The following ATP4A variants were observed in gnomAD, a reference collection of about 807,000 sequenced individuals.
The protein encoded by ATP4A is ATPase H+/K+ transporting subunit alpha.
A neutral mutation model predicts 112.1 loss-of-function variants in ATP4A; 73 were observed. The ratio of observed to expected loss-of-function variants is 0.65; its 90% CI spans 0.54 to 0.79. ATP4A has a LOEUF of 0.79. ATP4A is among the 30% of genes least tolerant of loss of function. ATP4A has a pLI of 0.00. For synonymous variants in ATP4A, 588 were observed against 588.9 expected (o/e 1.00, Z 0.02); for missense variants, 1,081 against 1,425.9 (o/e 0.76, Z 3.90).
rs1032059452 is a variant in ATP4A at position 35,563,263 on chromosome 19, G to A, written c.162C>T (p.Asp54=). The A allele has an allele frequency of 6.2e-7, 1 of 1,614,026 alleles. No homozygotes were observed. Among genetic ancestry groups the A allele is most frequent in the Non-Finnish European group, 8.5e-7 (1 of 1,180,004 alleles). ...ENMKKEMEIN[D]HQLSVAELEQ... is the part of the protein sequence containing the mutation. ...CCAGCTCCGCCACTGACAGCTGGTG[G>A]TCGTTCTGTGTGGTGGGGTGGGGCA... Residue 54 remains aspartate (D), a synonymous_variant, in exon 3 of 22, where the codon GAC becomes GAT. Coordinates refer to ENST00000262623, the MANE Select transcript of ATP4A (RefSeq NM_000704.3).
At position 35,554,946 on chromosome 19, in the gene ATP4A, G is replaced by T. The variant is rs372209900; in HGVS notation, c.2457C>A (p.Leu819=). The T allele has an allele frequency of 3.7e-6, 6 of 1,614,080 alleles. No homozygotes were observed. In the African/African-American group the frequency reaches 8.0e-5, roughly 22 times the overall value. The change falls in exon 16 of 22, where the codon CTC becomes CTA. Residue 819 remains leucine, a synonymous_variant. Transcript: ENST00000262623. ...VPLPLGCITI[L]FIELCTDIFP... is the part of the protein sequence containing the mutation. Reference sequence around the variant, plus strand: ...CAATGTCAGTGCAGAGTTCGATGAAGAGGATGGTGATGCACCCGAGGGGCA... The same window carrying T: ...CAATGTCAGTGCAGAGTTCGATGAATAGGATGGTGATGCACCCGAGGGGCA...
intron 18 of ATP4A, among the ~76,000 whole-genome samples, chr19:35,552,208 G>C (rs2071606062): frequency 6.6e-6 from 1 of 152,242 alleles, no homozygotes; most frequent in African/African-American, 2.4e-5. Flanking sequence ...CACCATGCCT[G>C]GCAACACAAC....
chr19:35,557,986 G>A lies in ATP4A; in HGVS notation c.1501-139C>T. On this transcript the variant is annotated intron_variant, in intron 10 of 21. Coordinates refer to ENST00000262623, the MANE Select transcript of ATP4A (RefSeq NM_000704.3). The surrounding 1 kb of genome is among the most constrained non-coding windows in gnomAD (Gnocchi z 4.4). ...CTGAGAGCTGCGGGGAAGGGTGAAG[G>A]TGGAAGATGGAGGCCTTGTGTGGAG... is the stretch of plus-strand genomic sequence containing the variant. The A allele has an allele frequency of 2.7e-6, 2 of 738,592 alleles. No individual in the cohort carries two copies. The highest frequency in any genetic ancestry group is 4.3e-6 in the Non-Finnish European group (2 of 467,864). 45.8% of individuals were successfully genotyped at this position (738,592 alleles called of 1,614,324 possible). A position where few individuals can be genotyped will look rare whatever the true frequency, so the allele number is the denominator to read the frequency against.
intron 4 of ATP4A, 146 bp from the exon 5 acceptor site, chr19:35,561,078 T>A: frequency 1.5e-6 from 1 of 653,656 alleles, no homozygotes; most frequent in Non-Finnish European, 2.7e-6. Context: ...CCATTCCCTG[T>A]AGCCTTTAGC....
Position 35,560,167 on chromosome 19 carries a change from G to A in ATP4A, c.788-94C>T. On this transcript the variant is annotated intron_variant, in intron 6 of 21. Transcript: ENST00000262623. The surrounding 1 kb of genome is among the most constrained non-coding windows in gnomAD (Gnocchi z 5.1). ...GAAGGACAGCCAGTCACTGCCAGTG[G>A]AGGATGTGACCTGGGAGAGGGTAGT... 6.4e-7 allele frequency: 1 copy of A among 1,551,350 alleles called. No individual in the cohort carries two copies. Among genetic ancestry groups the A allele is most frequent in the Admixed American group, 1.7e-5 (1 of 57,606 alleles).
In ATP4A at chr19:35,550,088, A is replaced by G. The variant is rs2071592508; in HGVS notation, c.*527T>C. On this transcript the variant is annotated 3_prime_UTR_variant, in exon 22 of 22. Transcript: ENST00000262623. This position sits in a 1 kb window ranked among gnomAD's most constrained non-coding sequence, Gnocchi z 4.1. ...GGACCTACTATGTGCCAGGCTGTGTACTAGGCACTGGAGGTGCAGCCCTGG... is the reference window on the plus strand; with the variant it reads ...GGACCTACTATGTGCCAGGCTGTGTGCTAGGCACTGGAGGTGCAGCCCTGG... 5.8e-6 allele frequency: 1 copy of G among 173,036 alleles called. No homozygotes were observed. Among genetic ancestry groups the G allele is most frequent in the African/African-American group, 2.4e-5 (1 of 41,810 alleles). The allele number at this position is 173,036 out of a possible 1,614,324, so 10.7% of individuals were successfully genotyped here.
At position 35,560,624 on chromosome 19, in the gene ATP4A, C is replaced by T. The variant is rs1381491151; in HGVS notation, c.535-9G>A. On this transcript the variant is annotated splice_polypyrimidine_tract_variant and intron_variant, in intron 5 of 21. Coordinates refer to ENST00000262623, the MANE Select transcript of ATP4A (RefSeq NM_000704.3). This position sits in a 1 kb window ranked among gnomAD's most constrained non-coding sequence, Gnocchi z 5.1. ...CGGATGACAGTGGCTTGCTGCGGGG[C>T]AGGGGCACCAAAGTTGAGGTGGACG... The T allele has an allele frequency of 1.3e-6, 2 of 1,578,058 alleles. No individual in the cohort carries two copies. Among genetic ancestry groups the T allele is most frequent in the Admixed American group, 3.4e-5 (2 of 58,296 alleles).
At chr19:35,552,192 A>G (rs1464979679) in intron 18 of ATP4A, among the ~76,000 whole-genome samples, 1 of 152,180 alleles carries the variant, frequency 6.6e-6, no homozygotes, top group Non-Finnish European at 1.5e-5. Context: ...AATTACAAGC[A>G]TGTGCCACCA....
In ATP4A at chr19:35,560,243, G is replaced by A; in HGVS notation, c.787+120C>T. On this transcript the variant is annotated intron_variant, in intron 6 of 21. Coordinates refer to ENST00000262623, the MANE Select transcript of ATP4A (RefSeq NM_000704.3). The surrounding 1 kb of genome is among the most constrained non-coding windows in gnomAD (Gnocchi z 5.1). ...TGCCCTGGGGAGGTGGCAGTCACGG[G>A]GAGGTGGCAGTCATGCAGGAGAGAG... The A allele has an allele frequency of 8.4e-6, 13 of 1,541,880 alleles. No individual in the cohort carries two copies. The highest frequency in any genetic ancestry group is 1.8e-5 in the Admixed American group (1 of 55,902).
At position 35,554,984 on chromosome 19, in the gene ATP4A, CG is replaced by C; in HGVS notation, c.2418del (p.Val807SerfsTer161). 1 of 1,614,106 alleles carries C rather than the reference CG, an allele frequency of 6.2e-7. No homozygotes were observed. Among genetic ancestry groups the C allele is most frequent in the Non-Finnish European group, 8.5e-7 (1 of 1,180,006 alleles). On this transcript the variant is annotated frameshift_variant, in exon 16 of 22. Coordinates refer to ENST00000262623, the MANE Select transcript of ATP4A (RefSeq NM_000704.3). LOFTEE classifies it high-confidence loss of function. Reference protein sequence around the residue: ...PELTPYLIYITVSVPLPLGCI... With the variant: ...PELTPYLIYIXVSVPLPLGCI... ...CACCCGAGGGGCAGGGGCACGCTGA[CG>C]GTGATGTAGATGAGGTAGGGTGTCA...
intron 3 of ATP4A, 37 bp from the exon 4 acceptor site, chr19:35,562,675 C>T: frequency 6.5e-7 from 1 of 1,539,820 alleles, no homozygotes; most frequent in Non-Finnish European, 8.7e-7. Flanking sequence ...GTCCTGGGGG[C>T]TTTCCTCCAC....
Position 35,558,827 on chromosome 19 carries a change from GC to G in ATP4A, c.1256-142del, listed in dbSNP as rs1260666955. 2.4e-6 allele frequency: 3 copies of G among 1,252,124 alleles called. No homozygotes were observed. Among genetic ancestry groups the G allele is most frequent in the Admixed American group, 4.9e-5 (2 of 40,706 alleles). The allele number at this position is 1,252,124 out of a possible 1,614,324, so 77.6% of individuals were successfully genotyped here. On this transcript the variant is annotated intron_variant, in intron 8 of 21. Coordinates refer to ENST00000262623, the MANE Select transcript of ATP4A (RefSeq NM_000704.3). The surrounding 1 kb of genome is among the most constrained non-coding windows in gnomAD (Gnocchi z 5.1). Reference sequence around the variant, plus strand: ...GTTCCACCCAACCCTGAGGGACCCAGCCCCCGGATGACCCTTCCCTCTAGAC... The same window carrying G: ...GTTCCACCCAACCCTGAGGGACCCAGCCCCGGATGACCCTTCCCTCTAGAC...
Position 35,557,075 on chromosome 19 carries a change from G to C in ATP4A, c.1707C>G (p.Leu569=). 1 of 1,614,200 alleles carries C rather than the reference G, an allele frequency of 6.2e-7. No homozygotes were observed. The highest frequency in any genetic ancestry group is 8.5e-7 in the Non-Finnish European group (1 of 1,180,038). The change falls in exon 12 of 22, where the codon CTC becomes CTG. Residue 569 remains leucine, a synonymous_variant. Transcript: ENST00000262623. This position sits in a 1 kb window ranked among gnomAD's most constrained non-coding sequence, Gnocchi z 4.4. ...LGERVLGFCQ[L]YLNEKDYPPG... is the part of the protein sequence containing the mutation. ...GCGGGTAGTCCTTCTCATTCAGGTA[G>C]AGCTGGCAGAAGCCTGACCGGAAAC...
intron 16 of ATP4A, 142 bp downstream of exon 16, chr19:35,554,780 G>T (rs2146307676): frequency 1.6e-6 from 2 of 1,224,426 alleles, no homozygotes; most frequent in Non-Finnish European, 2.3e-6. Context: ...CATGTGTCCT[G>T]CACTGGCTGT....
Position 35,560,558 on chromosome 19 carries a change from C to T in ATP4A, c.592G>A (p.Val198Met), listed in dbSNP as rs1599574917. Residue 198 changes from valine (V) to methionine (M), a missense_variant, in exon 6 of 22, where the codon GTG (valine) becomes ATG (methionine). This residue lies in a region of ATP4A where 850 missense variants were observed against 1,068.2 expected (regional missense o/e 0.80). Coordinates refer to ENST00000262623, the MANE Select transcript of ATP4A (RefSeq NM_000704.3). This position sits in a 1 kb window ranked among gnomAD's most constrained non-coding sequence, Gnocchi z 5.1. ...KFQINADQLV[V>M]GDLVEMKGGD... The stretch of plus-strand genomic sequence containing the variant: ...CCTTTCATCTCCACCAGGTCGCCCA[C>T]CACCAGTTGGTCAGCGTTGATCTGG... 1.9e-6 allele frequency: 3 copies of T among 1,613,610 alleles called. No homozygotes were observed. Among genetic ancestry groups the T allele is most frequent in the Non-Finnish European group, 2.5e-6 (3 of 1,179,994 alleles).
chr19:35,560,846 G>C lies in ATP4A; in HGVS notation c.507C>G (p.Ile169Met). The stretch of plus-strand genomic sequence containing the variant: ...GTGGCACAAGGTTCTTAAAGCTGGC[G>C]ATGATGTTGGTGCTCTTGAATTCCT... ...YYQEFKSTNIIASFKNLVPQQ... is the reference protein window; with the variant it reads ...YYQEFKSTNIMASFKNLVPQQ... Residue 169 changes from isoleucine to methionine, a missense_variant, in exon 5 of 22, where the codon ATC becomes ATG. By Grantham distance (10) the Ile-to-Met change is conservative (BLOSUM62 1). Around this residue, in one of 3 missense-constraint regions of ATP4A, gnomAD observed 850 missense variants for 1,068.2 expected, o/e 0.80. Coordinates refer to ENST00000262623, the MANE Select transcript of ATP4A (RefSeq NM_000704.3). The surrounding 1 kb of genome is among the most constrained non-coding windows in gnomAD (Gnocchi z 5.1). 6.2e-7 allele frequency: 1 copy of C among 1,614,048 alleles called. No homozygotes were observed. Among genetic ancestry groups the C allele is most frequent in the African/African-American group, 1.3e-5 (1 of 74,998 alleles).
At position 35,551,851 on chromosome 19, in the gene ATP4A, G is replaced by GA. The variant is rs935037540; in HGVS notation, c.2752-272dup. Among the ~76,000 whole-genome samples the GA allele has an allele frequency of 6.6e-6, 1 of 152,126 alleles. No homozygotes were observed. Among genetic ancestry groups the GA allele is most frequent in the Non-Finnish European group, 1.5e-5 (1 of 68,030 alleles). On this transcript the variant is annotated intron_variant, in intron 18 of 21. Coordinates refer to ENST00000262623, the MANE Select transcript of ATP4A (RefSeq NM_000704.3). This position sits in a 1 kb window ranked among gnomAD's most constrained non-coding sequence, Gnocchi z 5.2. ...AGGCTGGGCCGACTGCTTTCATAGT[G>GA]AAAGGGGGGAGGCACCCAAAAGAAA...
rs1168684964 is a variant in ATP4A, at chr19:35,551,342, C to T, written c.2885+105G>A. 5.1e-6 allele frequency: 8 copies of T among 1,562,504 alleles called. No homozygotes were observed. The East Asian group carries it at 1.6e-4, about 31-fold the overall frequency. ...GTTTTTTTGGCATGTCACCATCTGGCACTGGCACCCGCTGGCATTTGCCGG... is the reference window on the plus strand; with the variant it reads ...GTTTTTTTGGCATGTCACCATCTGGTACTGGCACCCGCTGGCATTTGCCGG... On this transcript the variant is annotated intron_variant, in intron 19 of 21. Coordinates refer to ENST00000262623, the MANE Select transcript of ATP4A (RefSeq NM_000704.3). This position sits in a 1 kb window ranked among gnomAD's most constrained non-coding sequence, Gnocchi z 5.2.
rs750370776 is a variant in ATP4A, at chr19:35,557,740, G to A, written c.1608C>T (p.Gly536=). 4 of 1,606,478 alleles carry A rather than the reference G, an allele frequency of 2.5e-6. No individual in the cohort carries two copies. The highest frequency in any genetic ancestry group is 3.4e-6 in the Non-Finnish European group (4 of 1,176,186). ...ACTGCTCGTCCAGCGGCAGCTCCTG[G>A]CCCTTGATAAGGATGGAGCTGCAGC... ...LERCSSILIK[G]QELPLDEQWR... is the part of the protein sequence containing the mutation. Residue 536 remains glycine, a synonymous_variant, in exon 11 of 22, where the codon GGC becomes GGT. Transcript: ENST00000262623. The surrounding 1 kb of genome is among the most constrained non-coding windows in gnomAD (Gnocchi z 4.4).
Sources: gnomAD v4.1 joint callset for allele counts (sites outside exome capture counted in the v4.1 genomes callset) on GRCh38, gnomAD v4.1.1 for gene constraint, gnomAD v4.1.1 regional missense constraint, Gnocchi (gnomAD v3.1) non-coding constraint, MANE v1.5 for transcripts, NCBI Gene and HGNC (gene_info 2026-07-23, HGNC 2026-07-21) for gene names.